SUGCT: variants seen among roughly 807,000 people sequenced by gnomAD.
SUGCT encodes succinyl-CoA:glutarate-CoA transferase.
In SUGCT, 41 loss-of-function variants were observed where a neutral mutation model predicts 55.0. The observed-to-expected ratio is 0.74, with a 90% CI of 0.58 to 0.97. SUGCT has a LOEUF of 0.97. Among genes scored for constraint, SUGCT ranks in the 50% least tolerant of loss-of-function variants. The pLI is 0.00. For synonymous variants in SUGCT, 187 were observed against 200.4 expected (o/e 0.93, Z 0.56); for missense variants, 568 against 547.8 (o/e 1.04, Z -0.37).
chr7:40,987,204 T>C, the SUGCT span, among the ~76,000 whole-genome samples: 1 of 152,014 alleles, frequency 6.6e-6, no homozygotes, highest in Admixed American at 6.6e-5. Flanking sequence ...CCTCAGGGTC[T>C]GAGGGCGATG....
At chr7:40,987,330 G>T in the SUGCT span, among the ~76,000 whole-genome samples, 1 of 152,172 alleles carries the variant, frequency 6.6e-6, no homozygotes, top group Non-Finnish European at 1.5e-5. Flanking sequence ...GTAGAAAGTG[G>T]TTTGAGAATG....
At chr7:40,822,868 A>G (rs981121747) in intron 13 of SUGCT, among the ~76,000 whole-genome samples, 3 of 152,184 alleles carry the variant, frequency 2.0e-5, no homozygotes, top group Non-Finnish European at 2.9e-5. Flanking sequence ...AGCTAGAAAC[A>G]CAAGTTAGGA....
At chr7:40,294,247 G>A (rs1793978234) in intron 8 of SUGCT, among the ~76,000 whole-genome samples, 2 of 152,062 alleles carry the variant, frequency 1.3e-5, no homozygotes, top group South Asian at 4.1e-4. Context: ...ACCGCGTCTG[G>A]CCTAGACAGA....
intron 13 of SUGCT, among the ~76,000 whole-genome samples, chr7:40,768,782 A>G (rs1182639489): frequency 6.6e-6 from 1 of 152,216 alleles, no homozygotes; most frequent in Non-Finnish European, 1.5e-5. Flanking sequence ...TGTTTATGCC[A>G]TTCCTTTTTC....
chr7:40,827,949 C>A (rs1370867613), intron 13 of SUGCT, among the ~76,000 whole-genome samples: 1 of 152,104 alleles, frequency 6.6e-6, no homozygotes, highest in Non-Finnish European at 1.5e-5. Flanking sequence ...TCTTGAAAAC[C>A]AATCCTGTCC....
At chr7:40,983,370 T>TCTCC in the SUGCT span, among the ~76,000 whole-genome samples, 1 of 152,194 alleles carries the variant, frequency 6.6e-6, no homozygotes, top group South Asian at 2.1e-4. Context: ...ACTTTCTTTC[T>TCTCC]CTCCCCTTCT....
At chr7:40,947,320 C>T in the SUGCT span, among the ~76,000 whole-genome samples, 1 of 152,148 alleles carries the variant, frequency 6.6e-6, no homozygotes, top group Non-Finnish European at 1.5e-5. Context: ...TTTCTATTGA[C>T]ATTCTCCAAT....
chr7:40,350,174 T>G (rs1797540736), intron 9 of SUGCT, among the ~76,000 whole-genome samples: 1 of 151,790 alleles, frequency 6.6e-6, no homozygotes, highest in Admixed American at 6.6e-5. Flanking sequence ...ATATGTCAAT[T>G]TTAATATTAA....
At chr7:40,643,155 C>T (rs1215568126) in intron 12 of SUGCT, among the ~76,000 whole-genome samples, 1 of 152,134 alleles carries the variant, frequency 6.6e-6, no homozygotes, top group Non-Finnish European at 1.5e-5. Flanking sequence ...GTACAGCCTC[C>T]TCTAAGACCT....
chr7:40,570,613 T>A lies in SUGCT; in HGVS notation c.1089+74227T>A, dbSNP rs574813700. Among the ~76,000 whole-genome samples, 170 of 152,294 alleles carry A rather than the reference T, an allele frequency of 1.1e-3. 1 individual carries two copies. The highest frequency in any genetic ancestry group is 1.9e-3 in the Non-Finnish European group (132 of 68,022). On this transcript the variant is annotated intron_variant, in intron 12 of 13. Transcript: ENST00000335693. ...CATTTTCTGATATTTGATGTATTTA[T>A]TTTGTGATGTTTCTGATGTCTTTTC...
intron 9 of SUGCT, among the ~76,000 whole-genome samples, chr7:40,350,904 TG>T (rs922099590): frequency 6.6e-6 from 1 of 152,034 alleles, no homozygotes; most frequent in Non-Finnish European, 1.5e-5. Context: ...TTTCTGTTCT[TG>T]TGTTAGTTTG....
chr7:40,411,329 G>A (rs923995688), intron 9 of SUGCT, among the ~76,000 whole-genome samples: 1 of 152,312 alleles, frequency 6.6e-6, no homozygotes, highest in East Asian at 1.9e-4. Flanking sequence ...GGCAGCGGAG[G>A]CTGCAGTGAG....
the SUGCT span, among the ~76,000 whole-genome samples, chr7:40,887,035 C>A: frequency 2.6e-5 from 4 of 152,080 alleles, no homozygotes; most frequent in Admixed American, 6.6e-5. Context: ...GTCCTGTACA[C>A]CAGAAATGGC....
intron 8 of SUGCT, among the ~76,000 whole-genome samples, chr7:40,308,609 C>T (rs984479371): frequency 6.6e-6 from 1 of 152,140 alleles, no homozygotes; most frequent in Non-Finnish European, 1.5e-5. Context: ...ACTACTGTCT[C>T]TTTTACTTAC....
rs149670680 is a variant in SUGCT, at chr7:40,510,577, C to T, written c.1089+14191C>T. ...CCTCAAATATAATATAATCCTGGAA[C>T]GTCTTGTGGTTCTATTAAGTAAGGA... On this transcript the variant is annotated intron_variant, in intron 12 of 13. Coordinates refer to ENST00000335693, the MANE Select transcript of SUGCT (RefSeq NM_001193313.2). Among the ~76,000 whole-genome samples, 184 of 152,166 alleles carry T rather than the reference C, an allele frequency of 1.2e-3. 1 individual carries two copies. The highest frequency in any genetic ancestry group is 7.7e-3 in the East Asian group (40 of 5,182).
At chr7:40,769,972 A>G (rs1421068023) in intron 13 of SUGCT, among the ~76,000 whole-genome samples, 1 of 152,130 alleles carries the variant, frequency 6.6e-6, no homozygotes, top group Non-Finnish European at 1.5e-5. Flanking sequence ...ATTTCTTATA[A>G]CATTATTTCT....
intron 6 of SUGCT, chr7:40,217,448 G>A: frequency 2.2e-6 from 1 of 446,672 alleles, no homozygotes; most frequent in South Asian, 1.6e-5. Flanking sequence ...CAAACCTCAA[G>A]CAATCTGCCG....
intron 12 of SUGCT, among the ~76,000 whole-genome samples, chr7:40,716,380 C>G (rs1352828186): frequency 6.6e-6 from 1 of 152,182 alleles, no homozygotes; most frequent in Admixed American, 6.5e-5. Flanking sequence ...GATGTTTAAC[C>G]TGTACAACTG....
chr7:40,307,649 G>T (rs1398636539), intron 8 of SUGCT, among the ~76,000 whole-genome samples: 1 of 152,174 alleles, frequency 6.6e-6, no homozygotes, highest in African/African-American at 2.4e-5. Context: ...AAAATGCTTA[G>T]AACAGTGTGC....
Sources: gnomAD v4.1 joint callset for allele counts (sites outside exome capture counted in the v4.1 genomes callset) on GRCh38, gnomAD v4.1.1 for gene constraint, MANE v1.5 for transcripts, NCBI Gene and HGNC (gene_info 2026-07-23, HGNC 2026-07-21) for gene names.